Variants in XNDC1N observed in about 807,000 individuals in gnomAD.
The protein encoded by XNDC1N is XRCC1 N-terminal domain containing 1, N-terminal like.
At chr11:71,928,438 G>GGCCTTCTGACCTTC in the XNDC1N span, 1 of 701,432 alleles carries the variant, frequency 1.4e-6, no homozygotes, top group Non-Finnish European at 2.6e-6. Flanking sequence ...CCGCCAATTC[G>GGCCTTCTGACCTTC]GCCTTCTGAC....
the XNDC1N span, among the ~76,000 whole-genome samples, chr11:71,880,461 A>C: frequency 1.3e-5 from 2 of 152,044 alleles, no homozygotes; most frequent in Non-Finnish European, 2.9e-5. Flanking sequence ...TCTCTTCCAA[A>C]AGTCAACTTT....
At chr11:71,893,683 G>A in the XNDC1N span, 11 of 1,335,216 alleles carry the variant, frequency 8.2e-6, no homozygotes, top group Admixed American at 1.5e-4. Flanking sequence ...GGCTGACACC[G>A]GTTTCACCTC....
the XNDC1N span, among the ~76,000 whole-genome samples, chr11:71,892,000 G>A: frequency 1.3e-5 from 2 of 151,870 alleles, no homozygotes; most frequent in African/African-American, 2.4e-5. Context: ...GTGATATTGC[G>A]AATAATGTCA....
At chr11:71,919,927 CTCTTTTTTTTTTTTT>C in the XNDC1N span, among the ~76,000 whole-genome samples, 1 of 67,258 alleles carries the variant, frequency 1.5e-5, no homozygotes, top group African/African-American at 5.1e-5. Flanking sequence ...AAAAGCAGGC[CTCTTTTTTTTTTTTT>C]TTTTTTTTTT....
the XNDC1N span, among the ~76,000 whole-genome samples, chr11:71,887,426 G>T: frequency 2.0e-5 from 3 of 152,238 alleles, no homozygotes; most frequent in South Asian, 6.2e-4. Flanking sequence ...AAGTTACCAG[G>T]AACGGGAGTC....
the XNDC1N span, chr11:71,923,420 A>G: frequency 2.0e-5 from 14 of 699,776 alleles, no homozygotes; most frequent in African/African-American, 2.5e-4. Context: ...TTCTGTCACT[A>G]CTTTGGCACT....
the XNDC1N span, among the ~76,000 whole-genome samples, chr11:71,895,444 G>C: frequency 2.7e-5 from 4 of 150,510 alleles, no homozygotes; most frequent in Admixed American, 6.6e-5. Context: ...CAAGTAGCTG[G>C]GATTACAGGC....
chr11:71,881,079 T>C, the XNDC1N span, among the ~76,000 whole-genome samples: 1 of 152,234 alleles, frequency 6.6e-6, no homozygotes, highest in Non-Finnish European at 1.5e-5. Context: ...GCTTTCTACC[T>C]AGATGATCTG....
the XNDC1N span, among the ~76,000 whole-genome samples, chr11:71,906,736 T>C: frequency 2.6e-5 from 4 of 152,172 alleles, no homozygotes; most frequent in Non-Finnish European, 5.9e-5. Flanking sequence ...TTACACGTAA[T>C]ATCACTGTGT....
At chr11:71,870,823 C>T in the XNDC1N span, among the ~76,000 whole-genome samples, 3 of 151,978 alleles carry the variant, frequency 2.0e-5, no homozygotes, top group Admixed American at 1.3e-4. Context: ...AAATTAAAAC[C>T]ACAATGAGAT....
At chr11:71,900,114 C>G in the XNDC1N span, among the ~76,000 whole-genome samples, 80 of 150,682 alleles carry the variant, frequency 5.3e-4, no homozygotes, top group African/African-American at 1.2e-3. Context: ...GATTCTATTG[C>G]TCACATCTTC....
the XNDC1N span, among the ~76,000 whole-genome samples, chr11:71,896,918 A>G: frequency 6.6e-6 from 1 of 152,316 alleles, no homozygotes; most frequent in East Asian, 1.9e-4. Flanking sequence ...GGAGCCCAGA[A>G]ATAACTTCTC....
chr11:71,913,906 A>G, the XNDC1N span, among the ~76,000 whole-genome samples: 3 of 152,216 alleles, frequency 2.0e-5, no homozygotes, highest in African/African-American at 7.2e-5. Context: ...AGCAAAGCCT[A>G]GATGACAGCA....
At chr11:71,881,547 C>T in the XNDC1N span, among the ~76,000 whole-genome samples, 1 of 151,918 alleles carries the variant, frequency 6.6e-6, no homozygotes, top group Admixed American at 6.6e-5. Flanking sequence ...CACATGAATT[C>T]CTGGTGTCTC....
At chr11:71,873,077 T>C in the XNDC1N span, among the ~76,000 whole-genome samples, 8 of 152,194 alleles carry the variant, frequency 5.3e-5, no homozygotes, top group Admixed American at 5.2e-4. Flanking sequence ...ACTAAATAAC[T>C]CTACAATGTT....
the XNDC1N span, among the ~76,000 whole-genome samples, chr11:71,888,005 A>C: frequency 6.6e-6 from 1 of 152,150 alleles, no homozygotes; most frequent in Admixed American, 6.5e-5. Context: ...GAACTCCCCC[A>C]CCATCTTCGG....
At chr11:71,898,851 A>C in the XNDC1N span, among the ~76,000 whole-genome samples, 1 of 152,160 alleles carries the variant, frequency 6.6e-6, no homozygotes, top group Admixed American at 6.5e-5. Context: ...CTGAAAAAGC[A>C]TGGAAACTGT....
At chr11:71,877,633 G>C in the XNDC1N span, among the ~76,000 whole-genome samples, 1 of 152,292 alleles carries the variant, frequency 6.6e-6, no homozygotes, top group Admixed American at 6.5e-5. Flanking sequence ...GTGAGACTCT[G>C]TCTCTAAATA....
chr11:71,924,362 G>C, the XNDC1N span, among the ~76,000 whole-genome samples: 2 of 151,992 alleles, frequency 1.3e-5, no homozygotes, highest in Admixed American at 6.6e-5. Flanking sequence ...CTGGGTGACA[G>C]AGTGAGACCC....
Sources: gnomAD v4.1 joint callset for allele counts (sites outside exome capture counted in the v4.1 genomes callset) on GRCh38, gnomAD v4.1.1 for gene constraint, MANE v1.5 for transcripts, NCBI Gene and HGNC (gene_info 2026-07-23, HGNC 2026-07-21) for gene names.